The following PRAME variants were observed in gnomAD, a reference collection of about 807,000 sequenced individuals.
PRAME encodes melanoma antigen preferentially expressed in tumors.
Under a neutral mutation model 32.1 loss-of-function variants are expected in PRAME, and 21 were observed. That is an observed-to-expected ratio of 0.65 (90% confidence interval 0.46 to 0.94). The LOEUF (loss-of-function observed/expected upper bound fraction) is 0.94, where lower values mean the gene tolerates loss of function less well. Among genes scored for constraint, PRAME ranks in the 40% least tolerant of loss-of-function variants. The pLI is 0.00. For synonymous variants in PRAME, 274 were observed against 251.5 expected (o/e 1.09, Z -0.85); for missense variants, 651 against 622.3 (o/e 1.05, Z -0.49).
In PRAME at chr22:22,550,205, CTTCT is replaced by C. The variant is rs751528128; in HGVS notation, c.470_473del (p.Lys157SerfsTer4). On this transcript the variant is annotated frameshift_variant, in exon 5 of 6. Coordinates refer to ENST00000405655, the MANE Select transcript of PRAME (RefSeq NM_206956.3). LOFTEE classifies it high-confidence loss of function. ...CTGTGCTCAAACCATCTACTTTTCG[CTTCT>C]TTGTCATGGGCTGAGCTGCTTCTGG... 1.7e-5 allele frequency: 27 copies of C among 1,613,722 alleles called. No individual in the cohort carries two copies. Among genetic ancestry groups the C allele is most frequent in the Non-Finnish European group, 2.2e-5 (26 of 1,179,988 alleles).
chr22:22,557,408 C>T (rs552857980), intron 2 of PRAME, 137 bp downstream of exon 2: 1 of 158,094 alleles, frequency 6.3e-6, no homozygotes, highest in African/African-American at 2.4e-5. Context: ...CGGGGTGACC[C>T]AAGTGGCGCA....
In PRAME at chr22:22,556,894, T is replaced by C; in HGVS notation, c.-62A>G. ...GCTTGGATTTCTAGGTCTCAGTCAC[T>C]TGTTGCCACGCACGTCTGAGAGTAA... is the stretch of plus-strand genomic sequence containing the variant. On this transcript the variant is annotated 5_prime_UTR_variant, in exon 3 of 6. Transcript: ENST00000405655. 1 of 1,587,452 alleles carries C rather than the reference T, an allele frequency of 6.3e-7. No individual in the cohort carries two copies. Among genetic ancestry groups the C allele is most frequent in the South Asian group, 1.1e-5 (1 of 90,478 alleles).
chr22:22,553,891 C>A (rs762701964), intron 3 of PRAME: 226 of 984,994 alleles, frequency 2.3e-4, no homozygotes, highest in Non-Finnish European at 2.6e-4. Flanking sequence ...GCAGGTCAGG[C>A]CTTTACCACA....
chr22:22,548,362 C>T lies in PRAME; in HGVS notation c.1235G>A (p.Ser412Asn), dbSNP rs747173901. The change falls in exon 6 of 6, where the codon AGC (serine) becomes AAC (asparagine). Residue 412 changes from serine to asparagine, a missense_variant. Physicochemically the swap from Ser to Asn is conservative, Grantham distance 46. Coordinates refer to ENST00000405655, the MANE Select transcript of PRAME (RefSeq NM_206956.3). Reference sequence around the variant, plus strand: ...TATGGAGATGGAATTCCCGTAGAAGCTTAAGGTCGTAAGCTGGGAGCAGTG... The same window carrying T: ...TATGGAGATGGAATTCCCGTAGAAGTTTAAGGTCGTAAGCTGGGAGCAGTG... ...LSHCSQLTTL[S>N]FYGNSISISA... The T allele has an allele frequency of 2.5e-6, 4 of 1,613,572 alleles. No individual in the cohort carries two copies. Among genetic ancestry groups the T allele is most frequent in the Non-Finnish European group, 3.4e-6 (4 of 1,179,956 alleles).
chr22:22,549,561 A>G (rs567722335), intron 5 of PRAME, among the ~76,000 whole-genome samples, 165 bp downstream of exon 5: 34 of 152,048 alleles, frequency 2.2e-4, no homozygotes, highest in African/African-American at 8.2e-4. Flanking sequence ...AGTAGTAGTT[A>G]TGTGATACCA....
intron 3 of PRAME, among the ~76,000 whole-genome samples, chr22:22,551,937 TATACA>T (rs2062600567): frequency 6.6e-6 from 1 of 151,694 alleles, no homozygotes; most frequent in Non-Finnish European, 1.5e-5. Flanking sequence ...AATTTTCATG[TATACA>T]ATACATTATT....
chr22:22,547,787 G>GA lies in PRAME; in HGVS notation c.*279dup. Reference sequence around the variant, plus strand: ...ACTCCTACATGTACTTCCCAAGCCAGAATCTCCCTTTAGAAATTCAGATTC... The same window carrying GA: ...ACTCCTACATGTACTTCCCAAGCCAGAAATCTCCCTTTAGAAATTCAGATTC... On this transcript the variant is annotated 3_prime_UTR_variant, in exon 6 of 6. Transcript: ENST00000405655. 2.0e-6 allele frequency: 1 copy of GA among 490,626 alleles called. No homozygotes were observed. The highest frequency in any genetic ancestry group is 3.6e-6 in the Non-Finnish European group (1 of 278,018). 30.4% of individuals were successfully genotyped at this position (490,626 alleles called of 1,614,324 possible). A position where few individuals can be genotyped will look rare whatever the true frequency, so the allele number is the denominator to read the frequency against.
chr22:22,557,143 G>A, intron 2 of PRAME: 1 of 475,380 alleles, frequency 2.1e-6, no homozygotes, highest in Non-Finnish European at 3.8e-6. Flanking sequence ...AGTGACCCCT[G>A]TGGTCAAGGA....
rs762099735 is a variant in PRAME at position 22,550,832 on chromosome 22, G to C, written c.279C>G (p.His93Gln). Residue 93 changes from histidine to glutamine, a missense_variant, in exon 4 of 6, where the codon CAC (histidine) becomes CAG (glutamine). Transcript: ENST00000405655. Reference protein sequence around the residue: ...LGVLMKGQHLHLETFKAVLDG... With the variant: ...LGVLMKGQHLQLETFKAVLDG... ...CAAGCACAGCTTTGAAGGTCTCCAG[G>C]TGAAGATGTTGTCCCTTCATCAGCA... The C allele has an allele frequency of 6.1e-5, 99 of 1,612,712 alleles. No homozygotes were observed. The highest frequency in any genetic ancestry group is 8.1e-5 in the Non-Finnish European group (95 of 1,179,256).
chr22:22,550,029 G>C lies in PRAME; in HGVS notation c.650C>G (p.Ala217Gly). The C allele has an allele frequency of 3.1e-6, 5 of 1,613,836 alleles. No individual in the cohort carries two copies. The highest frequency in any genetic ancestry group is 4.2e-6 in the Non-Finnish European group (5 of 1,179,936). Reference protein sequence around the residue: ...RLCCKKLKIFAMPMQDIKMIL... With the variant: ...RLCCKKLKIFGMPMQDIKMIL... ...CATCTTGATATCCTGCATGGGCATT[G>C]CAAAAATCTTCAGCTTCTTACAGCA... is the stretch of plus-strand genomic sequence containing the variant. The change falls in exon 5 of 6, where the codon GCA becomes GGA. Residue 217 changes from alanine (A) to glycine (G), a missense_variant. Coordinates refer to ENST00000405655, the MANE Select transcript of PRAME (RefSeq NM_206956.3).
In PRAME at chr22:22,548,141, G is replaced by A; in HGVS notation, c.1456C>T (p.Pro486Ser). The A allele has an allele frequency of 6.2e-7, 1 of 1,613,796 alleles. No individual in the cohort carries two copies. Among genetic ancestry groups the A allele is most frequent in the East Asian group, 2.2e-5 (1 of 44,778 alleles). ...GTTCTGTCCCCACAGTGAGGACAGGGGTTGGCACTAAGCCAGACCATGCTG... is the reference window on the plus strand; with the variant it reads ...GTTCTGTCCCCACAGTGAGGACAGGAGTTGGCACTAAGCCAGACCATGCTG... ...RPSMVWLSAN[P>S]CPHCGDRTFY... The change falls in exon 6 of 6, where the codon CCC becomes TCC. Residue 486 changes from proline to serine, a missense_variant. By Grantham distance (74) the Pro-to-Ser change is moderately conservative. Transcript: ENST00000405655.
chr22:22,548,206 T>G lies in PRAME; in HGVS notation c.1391A>C (p.His464Pro), dbSNP rs1459539619. ...ACACAGCAACTCCCTGAGCCTGGCA[T>G]GCAGATAGGCAAGCCTCTCCAGGTG... ...TLHLERLAYL[H>P]ARLRELLCEL... The change falls in exon 6 of 6, where the codon CAT becomes CCT. Residue 464 changes from histidine (H) to proline (P), a missense_variant. By Grantham distance (77) the His-to-Pro change is moderately conservative. Coordinates refer to ENST00000405655, the MANE Select transcript of PRAME (RefSeq NM_206956.3). 6.2e-6 allele frequency: 10 copies of G among 1,613,660 alleles called. No individual in the cohort carries two copies. Among genetic ancestry groups the G allele is most frequent in the Non-Finnish European group, 7.6e-6 (9 of 1,179,914 alleles).
chr22:22,550,067 A>G lies in PRAME; in HGVS notation c.612T>C (p.Asn204=), dbSNP rs2062476435. 1 of 1,613,702 alleles carries G rather than the reference A, an allele frequency of 6.2e-7. No individual in the cohort carries two copies. Reference sequence around the variant, plus strand: ...GCTTCTTACAGCACAGGCGTAGTACATTTTTCTTTCGCTTCACTTTCTCAA... The same window carrying G: ...GCTTCTTACAGCACAGGCGTAGTACGTTTTTCTTTCGCTTCACTTTCTCAA... The part of the protein sequence containing the change: ...YLIEKVKRKK[N]VLRLCCKKLK... The change falls in exon 5 of 6, where the codon AAT becomes AAC. Residue 204 remains asparagine, a synonymous_variant. Transcript: ENST00000405655.
At chr22:22,556,936 A>G (rs772171710) in intron 2 of PRAME, 27 bp from the exon 3 acceptor site, 4 of 1,420,518 alleles carry the variant, frequency 2.8e-6, no homozygotes, top group East Asian at 2.3e-5. Context: ...AAATGCTCCA[A>G]AAAGAAGAAT....
chr22:22,557,017 A>T, intron 2 of PRAME, 108 bp from the exon 3 acceptor site: 1 of 691,678 alleles, frequency 1.4e-6, no homozygotes. Context: ...GAAACTGACA[A>T]CTGGCGACTC....
chr22:22,554,120 GGCA>G, intron 3 of PRAME: 3 of 985,100 alleles, frequency 3.0e-6, no homozygotes, highest in Non-Finnish European at 3.6e-6. Flanking sequence ...AGTTATATTT[GGCA>G]TTTAAGGATC....
At chr22:22,556,532 C>T (rs904286690) in intron 3 of PRAME, among the ~76,000 whole-genome samples, 2 of 151,726 alleles carry the variant, frequency 1.3e-5, no homozygotes, top group Non-Finnish European at 1.5e-5. Flanking sequence ...GGAATGGTCT[C>T]AATCTCCTGA....
intron 3 of PRAME, among the ~76,000 whole-genome samples, chr22:22,555,326 T>A (rs1192242034): frequency 6.6e-6 from 1 of 151,834 alleles, no homozygotes; most frequent in African/African-American, 2.4e-5. Flanking sequence ...AACCTCTGCC[T>A]CCTGGGTTCA....
At position 22,547,880 on chromosome 22, in the gene PRAME, C is replaced by T. The variant is rs7104; in HGVS notation, c.*187G>A. ...AACTCCTCAAGTCAACATCTGCCTACCCCCAACTTCCCCTTTTTTTCCTCA... is the reference window on the plus strand; with the variant it reads ...AACTCCTCAAGTCAACATCTGCCTATCCCCAACTTCCCCTTTTTTTCCTCA... On this transcript the variant is annotated 3_prime_UTR_variant, in exon 6 of 6. Transcript: ENST00000405655. 0.76 allele frequency: 490,588 copies of T among 646,052 alleles called. 188,981 individuals carry two copies. Among genetic ancestry groups the T allele is most frequent in the South Asian group, 0.85 (43,245 of 50,768 alleles). 40.0% of individuals were successfully genotyped at this position (646,052 alleles called of 1,614,324 possible). A position where few individuals can be genotyped will look rare whatever the true frequency, so the allele number is the denominator to read the frequency against.
Sources: allele counts gnomAD v4.1 joint callset (sites outside exome capture counted in the v4.1 genomes callset), GRCh38; gene constraint gnomAD v4.1.1; transcripts MANE v1.5; gene names NCBI Gene and HGNC (gene_info 2026-07-23, HGNC 2026-07-21).